The following ZNF606 variants were observed in gnomAD, a reference collection of about 807,000 sequenced individuals.
ZNF606 encodes the protein zinc finger protein 606, also known as zinc finger protein 328.
Under a neutral mutation model 74.9 loss-of-function variants are expected in ZNF606, and 37 were observed. The observed-to-expected ratio is 0.49, with a 90% confidence interval of 0.38 to 0.65. The LOEUF (loss-of-function observed/expected upper bound fraction) is 0.65, where lower values mean the gene tolerates loss of function less well. Ranked by LOEUF, ZNF606 falls within the 30% of genes least tolerant of loss-of-function variation. ZNF606 has a pLI of 0.00. For missense variants in ZNF606, 852 were observed against 952.9 expected, an observed-to-expected ratio of 0.89 and a Z score of 1.39; for synonymous variants, 328 against 312.4, an observed-to-expected ratio of 1.05 and a Z score of -0.53.
rs771910501 is a variant in ZNF606 at position 57,980,272 on chromosome 19, C to T, written c.408G>A (p.Val136=). The change falls in exon 7 of 7, where the codon GTG becomes GTA. Residue 136 remains valine (V), a synonymous_variant. Transcript: ENST00000551380. ...ACPQRTCPEW[V]RNLESKALIP... ...TCAATGCTTTGCTTTCAAGATTTCTCACCCATTCTGAAACAGACAGAAAAA... is the reference window on the plus strand; with the variant it reads ...TCAATGCTTTGCTTTCAAGATTTCTTACCCATTCTGAAACAGACAGAAAAA... 2 of 1,603,588 alleles carry T rather than the reference C, an allele frequency of 1.2e-6. No homozygotes were observed. The highest frequency in any genetic ancestry group is 1.7e-6 in the Non-Finnish European group (2 of 1,175,470).
chr19:58,002,688 G>T lies in ZNF606; in HGVS notation c.-344C>A. 2.2e-6 allele frequency: 1 copy of T among 454,530 alleles called. No homozygotes were observed. Among genetic ancestry groups the T allele is most frequent in the Non-Finnish European group, 4.4e-6 (1 of 226,130 alleles). The allele number at this position is 454,530 out of a possible 1,614,324, so 28.2% of individuals were successfully genotyped here. A position where few individuals can be genotyped will look rare whatever the true frequency, so the allele number is the denominator to read the frequency against. Reference sequence around the variant, plus strand: ...GCCGGCGCGGAAAGGGCAGGCGCAGGACCCACCCTGACGCCGCCTCTCCCA... The same window carrying T: ...GCCGGCGCGGAAAGGGCAGGCGCAGTACCCACCCTGACGCCGCCTCTCCCA... On this transcript the variant is annotated 5_prime_UTR_variant, in exon 1 of 7. Coordinates refer to ENST00000551380, the MANE Select transcript of ZNF606 (RefSeq NM_001348022.3).
rs1339403661 is a variant in ZNF606 at position 57,980,064 on chromosome 19, A to G, written c.616T>C (p.Ser206Pro). The change falls in exon 7 of 7, where the codon TCC becomes CCC. Residue 206 changes from serine to proline, a missense_variant. Ser to Pro is a moderately conservative substitution (Grantham distance 74, BLOSUM62 -1). Coordinates refer to ENST00000551380, the MANE Select transcript of ZNF606 (RefSeq NM_001348022.3). Reference protein sequence around the residue: ...QMVFMQKQVLSQRSSEFCGLG... With the variant: ...QMVFMQKQVLPQRSSEFCGLG... ...CCACAGAATTCAGAGCTTCTCTGGG[A>G]TAGTACTTGCTTTTGCATGAAGACC... is the stretch of plus-strand genomic sequence containing the variant. 6.2e-7 allele frequency: 1 copy of G among 1,613,642 alleles called. No individual in the cohort carries two copies. The highest frequency in any genetic ancestry group is 8.5e-7 in the Non-Finnish European group (1 of 1,180,038).
chr19:57,983,791 C>T (rs994492850), intron 6 of ZNF606, among the ~76,000 whole-genome samples: 11 of 151,992 alleles, frequency 7.2e-5, no homozygotes, highest in Non-Finnish European at 1.2e-4. Context: ...GCATGCATGG[C>T]GTGACCAGTG....
intron 2 of ZNF606, 120 bp from the exon 3 acceptor site, chr19:58,000,859 G>T: frequency 1.1e-6 from 1 of 929,686 alleles, no homozygotes; most frequent in South Asian, 2.0e-5. Context: ...GAGCCCAAGG[G>T]TGTGTAAAAA....
At chr19:57,995,955 A>T (rs1056806415) in intron 4 of ZNF606, among the ~76,000 whole-genome samples, 1 of 152,238 alleles carries the variant, frequency 6.6e-6, no homozygotes, top group African/African-American at 2.4e-5. Context: ...AAAGAAGAAA[A>T]ACAACAAATA....
At chr19:57,980,659 C>A (rs558676733) in intron 6 of ZNF606, among the ~76,000 whole-genome samples, 1 of 152,086 alleles carries the variant, frequency 6.6e-6, no homozygotes, top group East Asian at 1.9e-4. Flanking sequence ...CACAGTGAAA[C>A]CCTGTCTCTA....
At chr19:57,987,951 G>A (rs1377919016) in intron 6 of ZNF606, among the ~76,000 whole-genome samples, 1 of 152,182 alleles carries the variant, frequency 6.6e-6, no homozygotes, top group Non-Finnish European at 1.5e-5. Flanking sequence ...ATGGATAAGA[G>A]GTAACCTTAG....
intron 4 of ZNF606, among the ~76,000 whole-genome samples, chr19:57,990,501 C>T (rs1479924729): frequency 6.9e-6 from 1 of 145,254 alleles, no homozygotes; most frequent in Non-Finnish European, 1.5e-5. Context: ...GATCGTAGTA[C>T]TGCACTCCAA....
In ZNF606 at chr19:57,983,183, T is replaced by C. The variant is rs2073112683; in HGVS notation, c.401-2904A>G. Among the ~76,000 whole-genome samples the C allele has an allele frequency of 2.0e-5, 3 of 151,914 alleles. No homozygotes were observed. In the South Asian group the frequency reaches 6.2e-4, roughly 32 times the overall value. ...CACTCAGTACTTGTAGTCTACTGAG[T>C]TTCCAGCACCAGAGACAAGGCAAGA... On this transcript the variant is annotated intron_variant, in intron 6 of 6. Coordinates refer to ENST00000551380, the MANE Select transcript of ZNF606 (RefSeq NM_001348022.3).
rs544430380 is a variant in ZNF606 at position 57,987,495 on chromosome 19, T to C, written c.400+712A>G. Reference sequence around the variant, plus strand: ...TTGAACATTACCTATATTTTAAAAATCTATTTTGTTTGGTACCCACAAGAT... The same window carrying C: ...TTGAACATTACCTATATTTTAAAAACCTATTTTGTTTGGTACCCACAAGAT... On this transcript the variant is annotated intron_variant, in intron 6 of 6. Coordinates refer to ENST00000551380, the MANE Select transcript of ZNF606 (RefSeq NM_001348022.3). 5.1e-4 allele frequency among the ~76,000 whole-genome samples: 77 copies of C among 152,108 alleles called. 1 individual carries two copies. The highest frequency in any genetic ancestry group is 7.2e-4 in the Non-Finnish European group (49 of 68,012).
Position 57,979,371 on chromosome 19 carries a change from A to G in ZNF606, c.1309T>C (p.Phe437Leu). Reference protein sequence around the residue: ...PYECDKCGKVFRNRSALTKHE... With the variant: ...PYECDKCGKVLRNRSALTKHE... ...TTCGTAAGGGCTGAGCGATTCCTAA[A>G]AACTTTTCCACATTTATCACATTCA... The change falls in exon 7 of 7, where the codon TTT becomes CTT. Residue 437 changes from phenylalanine to leucine, a missense_variant. By Grantham distance (22) the Phe-to-Leu change is conservative (BLOSUM62 0). Transcript: ENST00000551380. 4 of 1,613,132 alleles carry G rather than the reference A, an allele frequency of 2.5e-6. No individual in the cohort carries two copies. The highest frequency in any genetic ancestry group is 3.4e-6 in the Non-Finnish European group (4 of 1,179,482).
chr19:57,978,057 T>C lies in ZNF606; in HGVS notation c.*244A>G, dbSNP rs995588404. On this transcript the variant is annotated 3_prime_UTR_variant, in exon 7 of 7. Coordinates refer to ENST00000551380, the MANE Select transcript of ZNF606 (RefSeq NM_001348022.3). This position sits in a 1 kb window ranked among gnomAD's most constrained non-coding sequence, Gnocchi z 4.4. ...TCAAGTATGAATTACTGGTAGACCA[T>C]AAGGGGAGTTTAGAGTTTCCTTCAT... 1.4e-5 allele frequency: 5 copies of C among 348,860 alleles called. No individual in the cohort carries two copies. The highest frequency in any genetic ancestry group is 2.6e-5 in the Non-Finnish European group (5 of 194,320). The allele number at this position is 348,860 out of a possible 1,614,324, so 21.6% of individuals were successfully genotyped here.
chr19:57,984,051 G>A (rs780364475), intron 6 of ZNF606, among the ~76,000 whole-genome samples: 1 of 152,188 alleles, frequency 6.6e-6, no homozygotes, highest in East Asian at 1.9e-4. Flanking sequence ...AATTTTACGA[G>A]AAAGGGGCCG....
At position 58,002,655 on chromosome 19, in the gene ZNF606, G is replaced by A. The variant is rs1191998851; in HGVS notation, c.-311C>T. The stretch of plus-strand genomic sequence containing the variant: ...TGGCTGGAGAACCGACGGCAACGAC[G>A]GCGCAAAGCCGGCGCGGAAAGGGCA... On this transcript the variant is annotated 5_prime_UTR_variant, in exon 1 of 7. Coordinates refer to ENST00000551380, the MANE Select transcript of ZNF606 (RefSeq NM_001348022.3). The A allele has an allele frequency of 6.6e-6, 3 of 453,474 alleles. No individual in the cohort carries two copies. Among genetic ancestry groups the A allele is most frequent in the South Asian group, 1.6e-5 (1 of 64,416 alleles). 28.1% of individuals were successfully genotyped at this position (453,474 alleles called of 1,614,324 possible).
Position 57,992,001 on chromosome 19 carries a change from C to A in ZNF606, c.178-3280G>T, listed in dbSNP as rs73937088. 9.4e-3 allele frequency among the ~76,000 whole-genome samples: 1,424 copies of A among 152,244 alleles called. 30 individuals carry two copies. Among genetic ancestry groups the A allele is most frequent in the African/African-American group, 0.031 (1,279 of 41,538 alleles). On this transcript the variant is annotated intron_variant, in intron 4 of 6. Transcript: ENST00000551380. ...GGCTTCAATGTTCACCTACACTTAACAAGGTGCAAACCCACACCCTAATGG... is the reference window on the plus strand; with the variant it reads ...GGCTTCAATGTTCACCTACACTTAAAAAGGTGCAAACCCACACCCTAATGG...
At position 57,977,254 on chromosome 19, in the gene ZNF606, C is replaced by T. The variant is rs2073003974; in HGVS notation, c.*1047G>A. ...GTGCCCCTTAGGTAGGATCCTTCAA[C>T]ATCTCTGCTTCAGCTTAGCCATTTG... is the stretch of plus-strand genomic sequence containing the variant. On this transcript the variant is annotated 3_prime_UTR_variant, in exon 7 of 7. Coordinates refer to ENST00000551380, the MANE Select transcript of ZNF606 (RefSeq NM_001348022.3). 6.6e-6 allele frequency: 1 copy of T among 152,208 alleles called. No individual in the cohort carries two copies. The highest frequency in any genetic ancestry group is 6.6e-5 in the Admixed American group (1 of 15,262). The allele number at this position is 152,208 out of a possible 1,614,324, so 9.4% of individuals were successfully genotyped here.
chr19:58,000,110 T>C, intron 3 of ZNF606: 2 of 554,288 alleles, frequency 3.6e-6, no homozygotes, highest in Non-Finnish European at 3.2e-6. Flanking sequence ...TGCTATTGGG[T>C]ACCATCTCTG....
At chr19:57,990,872 G>A (rs2123311205) in intron 4 of ZNF606, among the ~76,000 whole-genome samples, 1 of 151,608 alleles carries the variant, frequency 6.6e-6, no homozygotes, top group Middle Eastern at 3.4e-3. Context: ...ACCCTGAAAA[G>A]TCAACTCCTG....
In ZNF606 at chr19:57,979,182, T is replaced by C. The variant is rs754330735; in HGVS notation, c.1498A>G (p.Ile500Val). The part of the protein sequence containing the change: ...GKSFNWNSHL[I>V]GHQRTHTGEK... ...CCTGTATGAGTCCTCTGATGTCCAA[T>C]AAGATGAGAGTTCCAGTTGAAAGAT... Residue 500 changes from isoleucine (I) to valine (V), a missense_variant, in exon 7 of 7, where the codon ATT (isoleucine) becomes GTT (valine). Coordinates refer to ENST00000551380, the MANE Select transcript of ZNF606 (RefSeq NM_001348022.3). 15 of 1,613,796 alleles carry C rather than the reference T, an allele frequency of 9.3e-6. No individual in the cohort carries two copies. Among genetic ancestry groups the C allele is most frequent in the Admixed American group, 3.3e-5 (2 of 59,990 alleles).
Sources: allele counts gnomAD v4.1 joint callset (sites outside exome capture counted in the v4.1 genomes callset), GRCh38; gene constraint gnomAD v4.1.1; non-coding constraint Gnocchi (gnomAD v3.1); transcripts MANE v1.5; gene names NCBI Gene and HGNC (gene_info 2026-07-23, HGNC 2026-07-21).